Variants in B3GALT1 observed in about 807,000 individuals in gnomAD.
B3GALT1 encodes the protein UDP-Gal:betaGlcNAc beta 1,3-galactosyltransferase, polypeptide 1.
B3GALT1 carries 10 observed loss-of-function variants against 23.2 expected under a neutral mutation model. The ratio of observed to expected loss-of-function variants is 0.43; its 90% confidence interval spans 0.27 to 0.73. The LOEUF (loss-of-function observed/expected upper bound fraction) is 0.73. B3GALT1 is among the 30% of genes least tolerant of loss of function. The pLI is 0.21. For synonymous variants in B3GALT1, 156 were observed against 141.5 expected, an observed-to-expected ratio of 1.10 and a Z score of -0.73; for missense variants, 299 against 405.4, an observed-to-expected ratio of 0.74 and a Z score of 2.25.
At chr2:167,615,976 C>T (rs1349610741) in intron 2 of B3GALT1, among the ~76,000 whole-genome samples, 1 of 152,054 alleles carries the variant, frequency 6.6e-6, no homozygotes, top group Non-Finnish European at 1.5e-5. Flanking sequence ...GTGCTCTGCT[C>T]ATTCTGACAT....
At chr2:167,738,784 A>T in intron 3 of B3GALT1, among the ~76,000 whole-genome samples, 1 of 139,184 alleles carries the variant, frequency 7.2e-6, no homozygotes, top group Non-Finnish European at 1.6e-5. Context: ...TCTGATGTTC[A>T]TGTTCTTTGT....
At chr2:167,334,170 T>A (rs1205065711) in intron 1 of B3GALT1, among the ~76,000 whole-genome samples, 1 of 152,150 alleles carries the variant, frequency 6.6e-6, no homozygotes, top group Non-Finnish European at 1.5e-5. Context: ...TTATAATAAT[T>A]AGTGTACTAG....
At chr2:167,567,436 A>G (rs1684192801) in intron 2 of B3GALT1, among the ~76,000 whole-genome samples, 1 of 152,168 alleles carries the variant, frequency 6.6e-6, no homozygotes, top group Admixed American at 6.5e-5. Context: ...AAAAGGGATC[A>G]TTCTCAAAGT....
chr2:167,582,149 T>C (rs1008104754), intron 2 of B3GALT1, among the ~76,000 whole-genome samples: 4 of 152,198 alleles, frequency 2.6e-5, no homozygotes. Context: ...AAACACCAGC[T>C]GTTAATGTCT....
At chr2:167,579,137 GA>G (rs1163920862) in intron 2 of B3GALT1, among the ~76,000 whole-genome samples, 3 of 152,030 alleles carry the variant, frequency 2.0e-5, no homozygotes, top group Non-Finnish European at 2.9e-5. Context: ...TAAGTCTTCA[GA>G]GACTGAATTT....
intron 2 of B3GALT1, among the ~76,000 whole-genome samples, chr2:167,606,505 T>C (rs750376136): frequency 6.6e-6 from 1 of 152,204 alleles, no homozygotes; most frequent in Non-Finnish European, 1.5e-5. Context: ...CAATCAAAAG[T>C]AGTTTTGTCT....
chr2:167,380,351 G>C (rs1481628845), intron 1 of B3GALT1, among the ~76,000 whole-genome samples: 1 of 152,160 alleles, frequency 6.6e-6, no homozygotes, highest in Non-Finnish European at 1.5e-5. Flanking sequence ...GTTCCAGGTT[G>C]CCAAGCTGGC....
At chr2:167,840,821 A>G (rs1322339683) in intron 4 of B3GALT1, among the ~76,000 whole-genome samples, 2 of 146,026 alleles carry the variant, frequency 1.4e-5, no homozygotes, top group Non-Finnish European at 3.0e-5. Flanking sequence ...TGTGGCACAT[A>G]TACACCATGG....
intron 1 of B3GALT1, among the ~76,000 whole-genome samples, chr2:167,480,393 A>G (rs546088233): frequency 1.3e-5 from 2 of 152,264 alleles, no homozygotes; most frequent in South Asian, 4.1e-4. Context: ...CTAGAAGCAA[A>G]ATGGAGTCAG....
intron 3 of B3GALT1, among the ~76,000 whole-genome samples, chr2:167,744,290 T>G (rs1427580766): frequency 1.3e-5 from 2 of 152,198 alleles, no homozygotes; most frequent in African/African-American, 4.8e-5. Context: ...CTTCATCTAT[T>G]AATTGAAAGG....
At chr2:167,830,999 A>G (rs886453329) in intron 4 of B3GALT1, among the ~76,000 whole-genome samples, 1 of 152,226 alleles carries the variant, frequency 6.6e-6, no homozygotes, top group Non-Finnish European at 1.5e-5. Context: ...GGCGATAATC[A>G]TAGTGTAAGT....
chr2:167,607,036 G>A (rs1684974137), intron 2 of B3GALT1, among the ~76,000 whole-genome samples: 1 of 152,096 alleles, frequency 6.6e-6, no homozygotes, highest in African/African-American at 2.4e-5. Context: ...GAAATGCTTG[G>A]TATGTATCCC....
intron 2 of B3GALT1, among the ~76,000 whole-genome samples, chr2:167,496,586 T>A (rs1699787398): frequency 6.6e-6 from 1 of 152,182 alleles, no homozygotes. Flanking sequence ...CAGTCACTGT[T>A]CTAGGCCTTT....
At chr2:167,507,795 T>C (rs1699943722) in intron 2 of B3GALT1, among the ~76,000 whole-genome samples, 1 of 152,196 alleles carries the variant, frequency 6.6e-6, no homozygotes, top group African/African-American at 2.4e-5. Flanking sequence ...ATAATTGTCT[T>C]AACATTGCAA....
intron 3 of B3GALT1, among the ~76,000 whole-genome samples, chr2:167,732,180 T>C (rs1687420056): frequency 6.6e-6 from 1 of 152,232 alleles, no homozygotes; most frequent in Non-Finnish European, 1.5e-5. Context: ...TCAATATTTC[T>C]GTAAACTCAG....
At chr2:167,813,478 C>T (rs1449046957) in intron 3 of B3GALT1, among the ~76,000 whole-genome samples, 1 of 152,130 alleles carries the variant, frequency 6.6e-6, no homozygotes, top group Non-Finnish European at 1.5e-5. Flanking sequence ...ACATTCTAGC[C>T]TTATTTAAAA....
intron 4 of B3GALT1, among the ~76,000 whole-genome samples, chr2:167,867,195 G>A (rs934640617): frequency 3.3e-5 from 5 of 152,178 alleles, no homozygotes; most frequent in South Asian, 2.1e-4. Context: ...CAAAGTGCTG[G>A]GATTACAGGC....
chr2:167,824,488 A>G (rs1689173576), intron 4 of B3GALT1, among the ~76,000 whole-genome samples: 1 of 152,210 alleles, frequency 6.6e-6, no homozygotes, highest in African/African-American at 2.4e-5. Flanking sequence ...CTGAAGTGAC[A>G]TTGGCAGGAT....
At chr2:167,692,362 C>T (rs2105502344) in intron 3 of B3GALT1, among the ~76,000 whole-genome samples, 1 of 152,184 alleles carries the variant, frequency 6.6e-6, no homozygotes, top group Non-Finnish European at 1.5e-5. Flanking sequence ...GGTCTATGAG[C>T]CTTTCTATTC....
Sources: gnomAD v4.1 joint callset for allele counts (sites outside exome capture counted in the v4.1 genomes callset) on GRCh38, gnomAD v4.1.1 for gene constraint, MANE v1.5 for transcripts, NCBI Gene and HGNC (gene_info 2026-07-23, HGNC 2026-07-21) for gene names.